PRKCA: variants seen among roughly 807,000 people sequenced by gnomAD.
PRKCA encodes protein kinase C alpha type.
In PRKCA, 27 loss-of-function variants were observed where a neutral mutation model predicts 87.0. The observed-to-expected ratio is 0.31, with a 90% confidence interval of 0.23 to 0.43. The LOEUF (loss-of-function observed/expected upper bound fraction) is 0.43. PRKCA is among the 20% of genes least tolerant of loss of function. The pLI, the probability that PRKCA is intolerant of heterozygous loss-of-function variation, is 1.00. For synonymous variants in PRKCA, 329 were observed against 311.1 expected, an observed-to-expected ratio of 1.06 and a Z score of -0.61; for missense variants, 518 against 852.3, an observed-to-expected ratio of 0.61 and a Z score of 4.88.
chr17:66,515,140 C>G (rs920415499), intron 3 of PRKCA, among the ~76,000 whole-genome samples: 2 of 151,974 alleles, frequency 1.3e-5, no homozygotes, highest in African/African-American at 4.8e-5. Context: ...CCTCTAGTCC[C>G]AGCTACTCGG....
chr17:66,562,121 A>AATT (rs1555619803), intron 3 of PRKCA, among the ~76,000 whole-genome samples: 7 of 38,412 alleles, frequency 1.8e-4, no homozygotes, highest in East Asian at 7.9e-4. Flanking sequence ...TATATAATTA[A>AATT]ATATATATAA....
At chr17:66,683,871 A>T (rs1355527870) in intron 5 of PRKCA, among the ~76,000 whole-genome samples, 1 of 152,086 alleles carries the variant, frequency 6.6e-6, no homozygotes, top group Non-Finnish European at 1.5e-5. Context: ...AAGTGTTGGG[A>T]TTTGACTCCA....
At chr17:66,515,532 T>C (rs1598734790) in intron 3 of PRKCA, among the ~76,000 whole-genome samples, 1 of 152,126 alleles carries the variant, frequency 6.6e-6, no homozygotes, top group East Asian at 1.9e-4. Context: ...TGAGGAAGTC[T>C]TGTGTGAGTT....
At chr17:66,679,012 A>G (rs1567971835) in intron 5 of PRKCA, among the ~76,000 whole-genome samples, 4 of 152,138 alleles carry the variant, frequency 2.6e-5, no homozygotes, top group Admixed American at 1.3e-4. Context: ...CTCACTGGCT[A>G]CGTGGTCACT....
chr17:66,351,015 G>A (rs1907711201), intron 2 of PRKCA, among the ~76,000 whole-genome samples: 1 of 152,212 alleles, frequency 6.6e-6, no homozygotes, highest in African/African-American at 2.4e-5. Flanking sequence ...CAATGTAATT[G>A]TCTGTGTGCC....
At chr17:66,749,572 C>T (rs4644888) in intron 13 of PRKCA, among the ~76,000 whole-genome samples, 83,322 of 151,976 alleles carry the variant, frequency 0.55, 23,492 homozygotes, top group African/African-American at 0.69. Flanking sequence ...TACTCCTGAA[C>T]TGATTTTTCA....
chr17:66,590,650 G>A (rs2143534826), intron 3 of PRKCA, among the ~76,000 whole-genome samples: 2 of 152,048 alleles, frequency 1.3e-5, no homozygotes, highest in Admixed American at 1.3e-4. Context: ...GGAGTTCTGA[G>A]ACCAGACTGG....
intron 3 of PRKCA, among the ~76,000 whole-genome samples, chr17:66,504,500 G>A (rs528606139): frequency 6.6e-6 from 1 of 152,174 alleles, no homozygotes; most frequent in South Asian, 2.1e-4. Flanking sequence ...ACTGAGGCAG[G>A]AGAATTGCCT....
intron 8 of PRKCA, among the ~76,000 whole-genome samples, chr17:66,717,859 A>G (rs930372255): frequency 6.6e-6 from 1 of 152,206 alleles, no homozygotes; most frequent in African/African-American, 2.4e-5. Context: ...AGGAGAAAGA[A>G]TGACTCATGC....
intron 5 of PRKCA, chr17:66,676,529 C>T (rs185048398): frequency 2.6e-5 from 4 of 152,422 alleles, no homozygotes; most frequent in African/African-American, 9.6e-5. Context: ...TCCCTATTTC[C>T]GAGGCAGCCG....
At chr17:66,604,658 A>C (rs905693655) in intron 3 of PRKCA, among the ~76,000 whole-genome samples, 11 of 152,336 alleles carry the variant, frequency 7.2e-5, no homozygotes, top group Admixed American at 7.2e-4. Flanking sequence ...TGCTGCAAAA[A>C]GATTAGTCTT....
chr17:66,409,724 T>G (rs532877776), intron 2 of PRKCA, among the ~76,000 whole-genome samples: 23 of 152,220 alleles, frequency 1.5e-4, no homozygotes, highest in African/African-American at 5.3e-4. Context: ...GGTCAGGAGA[T>G]CGAGACCATC....
intron 2 of PRKCA, among the ~76,000 whole-genome samples, chr17:66,340,657 A>T (rs1054063930): frequency 2.0e-5 from 3 of 152,160 alleles, no homozygotes; most frequent in African/African-American, 7.2e-5. Context: ...AAACTGCTTA[A>T]TGTAGAGCAA....
chr17:66,339,023 A>C (rs530624956), intron 2 of PRKCA, among the ~76,000 whole-genome samples: 1 of 152,184 alleles, frequency 6.6e-6, no homozygotes, highest in Non-Finnish European at 1.5e-5. Context: ...CCTTGTGTCT[A>C]TATTGAGGGG....
chr17:66,613,779 CTTTTTTTTTTT>C (rs57610655), intron 3 of PRKCA, among the ~76,000 whole-genome samples: 15 of 69,386 alleles, frequency 2.2e-4, no homozygotes, highest in African/African-American at 7.4e-4. Flanking sequence ...TGACTTCATC[CTTTTTTTTTTT>C]TTTTTTTTTT....
At position 66,456,699 on chromosome 17, in the gene PRKCA, G is replaced by GA. The variant is rs530106727; in HGVS notation, c.206-39498dup. ...AGGCAAGTGAATGAAATAGATGGCA[G>GA]AAAAGACAAAGGCCAAAAAATCCGC... On this transcript the variant is annotated intron_variant, in intron 2 of 16. Coordinates refer to ENST00000413366, the MANE Select transcript of PRKCA (RefSeq NM_002737.3). Among the ~76,000 whole-genome samples the GA allele has an allele frequency of 1.1e-4, 17 of 152,320 alleles. No individual in the cohort carries two copies. In the East Asian group the frequency reaches 3.3e-3, roughly 29 times the overall value.
intron 13 of PRKCA, among the ~76,000 whole-genome samples, chr17:66,761,345 G>C (rs1210950430): frequency 3.3e-5 from 5 of 149,948 alleles, no homozygotes; most frequent in Non-Finnish European, 5.9e-5. Context: ...ACTCCAGCCT[G>C]GTGACAGAGC....
intron 2 of PRKCA, among the ~76,000 whole-genome samples, chr17:66,335,736 A>G (rs1906622420): frequency 6.6e-6 from 1 of 152,094 alleles, no homozygotes; most frequent in Non-Finnish European, 1.5e-5. Flanking sequence ...ATCTTTTACC[A>G]TTTTATTTTT....
chr17:66,583,938 C>T (rs1969520685), intron 3 of PRKCA, among the ~76,000 whole-genome samples: 1 of 152,172 alleles, frequency 6.6e-6, no homozygotes, highest in Admixed American at 6.5e-5. Flanking sequence ...GGTAACACGT[C>T]TCTGAAAAGT....
Sources: allele counts gnomAD v4.1 joint callset (sites outside exome capture counted in the v4.1 genomes callset), GRCh38; gene constraint gnomAD v4.1.1; transcripts MANE v1.5; gene names NCBI Gene and HGNC (gene_info 2026-07-23, HGNC 2026-07-21).